RBFOX1: variants seen among roughly 807,000 people sequenced by gnomAD.
The protein encoded by RBFOX1 is RNA binding protein fox-1 homolog 1.
Under a neutral mutation model 57.7 loss-of-function variants are expected in RBFOX1, and 8 were observed. The ratio of observed to expected loss-of-function variants is 0.14; its 90% CI spans 0.08 to 0.25. The LOEUF is 0.25. RBFOX1 is among the 10% of genes least tolerant of loss of function. RBFOX1 has a pLI of 1.00. For missense variants in RBFOX1, 611 were observed against 548.5 expected, an observed-to-expected ratio of 1.11 and a Z score of -1.14; for synonymous variants, 326 against 222.4, an observed-to-expected ratio of 1.47 and a Z score of -4.15.
chr16:6,368,024 G>A (rs1476389206), intron 2 of RBFOX1, among the ~76,000 whole-genome samples: 1 of 152,186 alleles, frequency 6.6e-6, no homozygotes, highest in Non-Finnish European at 1.5e-5. Flanking sequence ...GGACATAAAT[G>A]TCCTATTTTC....
chr16:6,835,621 T>G (rs2141225188), intron 3 of RBFOX1, among the ~76,000 whole-genome samples: 1 of 151,714 alleles, frequency 6.6e-6, no homozygotes. Context: ...GGCATGGTGG[T>G]GCACGACTGT....
intron 1 of RBFOX1, among the ~76,000 whole-genome samples, chr16:6,088,759 G>C (rs1029067408): frequency 6.6e-6 from 1 of 152,072 alleles, no homozygotes; most frequent in African/African-American, 2.4e-5. Flanking sequence ...ACTTGTGTGA[G>C]TAATTTCCTG....
At chr16:5,767,248 C>T (rs1033530526) in intron 3 of RBFOX1, among the ~76,000 whole-genome samples, 24 of 152,306 alleles carry the variant, frequency 1.6e-4, no homozygotes, top group African/African-American at 5.8e-4. Flanking sequence ...CTTCTTTTGG[C>T]CTGTGTTATT....
At chr16:7,609,313 T>C (rs957243174) in intron 10 of RBFOX1, among the ~76,000 whole-genome samples, 6 of 152,182 alleles carry the variant, frequency 3.9e-5, no homozygotes, top group Non-Finnish European at 1.5e-5. Context: ...TCCTGTGCGA[T>C]GGAGTTGCCA....
chr16:7,126,447 G>A (rs2068576757), intron 4 of RBFOX1: 1 of 228,856 alleles, frequency 4.4e-6, no homozygotes. Context: ...ATACAGCTTG[G>A]GAAGCACAAA....
intron 3 of RBFOX1, among the ~76,000 whole-genome samples, chr16:7,030,775 G>A (rs1017312307): frequency 2.6e-5 from 4 of 152,128 alleles, no homozygotes; most frequent in African/African-American, 9.7e-5. Flanking sequence ...CAAAGTTATG[G>A]GGTCTAATTA....
chr16:6,387,187 T>G (rs1013468067), intron 2 of RBFOX1, among the ~76,000 whole-genome samples: 1 of 152,184 alleles, frequency 6.6e-6, no homozygotes, highest in Admixed American at 6.5e-5. Context: ...AATAAGGCAG[T>G]TCTTGTAAGT....
In RBFOX1 at chr16:7,183,852, T is replaced by C. The variant is rs13338052; in HGVS notation, c.27+131754T>C. On this transcript the variant is annotated intron_variant, in intron 4 of 15. Transcript: ENST00000550418. ...GGTGTGGTTTTAGGTACCATTCGTA[T>C]CAGGTCTCTGCCCTCATGGAACCAC... Among the ~76,000 whole-genome samples, 1,382 of 152,326 alleles carry C rather than the reference T, an allele frequency of 9.1e-3. 17 individuals carry two copies. The highest frequency in any genetic ancestry group is 0.032 in the African/African-American group (1,318 of 41,566).
At chr16:6,649,489 A>G (rs994494641) in intron 2 of RBFOX1, among the ~76,000 whole-genome samples, 11 of 152,160 alleles carry the variant, frequency 7.2e-5, no homozygotes, top group African/African-American at 2.4e-4. Flanking sequence ...ACCGTACCCA[A>G]CGTGTAATCT....
At chr16:5,442,654 T>A (rs571301991) in intron 1 of RBFOX1, among the ~76,000 whole-genome samples, 1 of 152,288 alleles carries the variant, frequency 6.6e-6, no homozygotes, top group South Asian at 2.1e-4. Flanking sequence ...TTAGAGTGGT[T>A]GTATCTATTT....
intron 2 of RBFOX1, among the ~76,000 whole-genome samples, chr16:6,547,194 C>G (rs1006175115): frequency 3.3e-5 from 5 of 152,178 alleles, no homozygotes; most frequent in Non-Finnish European, 7.3e-5. Context: ...ATAAAATGCT[C>G]TTCCCCCAGA....
At chr16:6,863,267 A>C (rs1380432132) in intron 3 of RBFOX1, among the ~76,000 whole-genome samples, 1 of 152,164 alleles carries the variant, frequency 6.6e-6, no homozygotes, top group African/African-American at 2.4e-5. Context: ...GAGACGAAGT[A>C]TCTTCTGGAT....
chr16:6,664,863 C>G (rs567889253), intron 3 of RBFOX1, among the ~76,000 whole-genome samples: 1 of 152,152 alleles, frequency 6.6e-6, no homozygotes, highest in African/African-American at 2.4e-5. Context: ...CGGTTCTGCC[C>G]CTTCACCAGC....
intron 3 of RBFOX1, among the ~76,000 whole-genome samples, chr16:6,724,269 G>C: frequency 6.7e-6 from 1 of 150,366 alleles, no homozygotes; most frequent in Non-Finnish European, 1.5e-5. Context: ...GTGTGCAGTG[G>C]TGCAATCTCT....
At chr16:6,818,738 A>G (rs746278781) in intron 3 of RBFOX1, among the ~76,000 whole-genome samples, 2 of 152,150 alleles carry the variant, frequency 1.3e-5, no homozygotes, top group Non-Finnish European at 2.9e-5. Context: ...TCAGATAGAA[A>G]AAGCCCCAAG....
At chr16:6,830,053 A>G (rs1202543936) in intron 3 of RBFOX1, among the ~76,000 whole-genome samples, 2 of 152,016 alleles carry the variant, frequency 1.3e-5, no homozygotes, top group Non-Finnish European at 1.5e-5. Flanking sequence ...AGTAACTAGG[A>G]TTACAGGCAC....
chr16:7,708,142 C>A (rs935467340), intron 14 of RBFOX1, among the ~76,000 whole-genome samples: 1 of 152,060 alleles, frequency 6.6e-6, no homozygotes, highest in Non-Finnish European at 1.5e-5. Flanking sequence ...AGTTTTGAAC[C>A]AACCTGAGTA....
chr16:7,019,151 C>G (rs2094076935), intron 3 of RBFOX1, among the ~76,000 whole-genome samples: 1 of 151,556 alleles, frequency 6.6e-6, no homozygotes, highest in Non-Finnish European at 1.5e-5. Flanking sequence ...AATAACCATT[C>G]CTTTGTAATA....
chr16:6,175,503 C>T lies in RBFOX1; in HGVS notation c.-126-141492C>T, dbSNP rs140760220. On this transcript the variant is annotated intron_variant, in intron 1 of 15. Transcript: ENST00000550418. ...TTGACCACCCGGTTTTTCTGTAGGTCGGGGGGGTGGGGGCGAGAGGATGGG... is the reference window on the plus strand; with the variant it reads ...TTGACCACCCGGTTTTTCTGTAGGTTGGGGGGGTGGGGGCGAGAGGATGGG... 9.9e-3 allele frequency among the ~76,000 whole-genome samples: 1,492 copies of T among 151,372 alleles called. 14 individuals carry two copies. The highest frequency in any genetic ancestry group is 0.014 in the Non-Finnish European group (969 of 67,876).
Sources: allele counts gnomAD v4.1 joint callset (sites outside exome capture counted in the v4.1 genomes callset), GRCh38; gene constraint gnomAD v4.1.1; transcripts MANE v1.5; gene names NCBI Gene and HGNC (gene_info 2026-07-23, HGNC 2026-07-21).